The following ACSL6 variants were observed in gnomAD, a reference collection of about 807,000 sequenced individuals.
ACSL6 encodes the protein acyl-CoA synthetase long chain family member 6.
A neutral mutation model predicts 98.2 loss-of-function variants in ACSL6; 47 were observed. The ratio of observed to expected loss-of-function variants is 0.48; its 90% CI spans 0.38 to 0.61. The LOEUF (loss-of-function observed/expected upper bound fraction) is 0.61. Among genes scored for constraint, ACSL6 ranks in the 20% least tolerant of loss-of-function variants. ACSL6 has a pLI of 0.00. For synonymous variants in ACSL6, 362 were observed against 336.9 expected (o/e 1.07, Z -0.82); for missense variants, 761 against 913.4 (o/e 0.83, Z 2.15).
rs556099018 is a variant in ACSL6, at chr5:132,004,587, A to G, written c.49+6918T>C. 1.7e-4 allele frequency among the ~76,000 whole-genome samples: 26 copies of G among 152,284 alleles called. 1 individual carries two copies. In the East Asian group the frequency reaches 3.7e-3, roughly 21 times the overall value. ...TCTTCATGAAGCCAAGGTGCCAGGC[A>G]TGTCTCTGTGAGAGGTCATGGAACT... On this transcript the variant is annotated intron_variant, in intron 1 of 20. Transcript: ENST00000651883.
intron 9 of ACSL6, chr5:131,982,310 A>ATT (rs1338918697): frequency 6.7e-5 from 10 of 149,122 alleles, no homozygotes; most frequent in African/African-American, 2.5e-4. Context: ...CGCCCGGCTA[A>ATT]TTTTTTGTAT....
At chr5:132,007,659 G>C (rs1349272828) in intron 1 of ACSL6, among the ~76,000 whole-genome samples, 1 of 152,088 alleles carries the variant, frequency 6.6e-6, no homozygotes, top group East Asian at 1.9e-4. Flanking sequence ...TCATAGACAG[G>C]GTGCTTGACA....
In ACSL6 at chr5:131,963,016, C is replaced by T. The variant is rs191592616; in HGVS notation, c.1714-338G>A. Among the ~76,000 whole-genome samples, 569 of 152,220 alleles carry T rather than the reference C, an allele frequency of 3.7e-3. 4 individuals carry two copies. The highest frequency in any genetic ancestry group is 0.013 in the African/African-American group (539 of 41,532). On this transcript the variant is annotated intron_variant, in intron 17 of 20. Coordinates refer to ENST00000651883, the MANE Select transcript of ACSL6 (RefSeq NM_001009185.3). ...TCTTGGAGGCCCACCGCCCTTCCATCAGGGCACCCCTCTTGCACACACCCT... is the reference window on the plus strand; with the variant it reads ...TCTTGGAGGCCCACCGCCCTTCCATTAGGGCACCCCTCTTGCACACACCCT...
At chr5:131,960,994 AT>A (rs1353547671) in intron 18 of ACSL6, 2 of 170,648 alleles carry the variant, frequency 1.2e-5, no homozygotes, top group African/African-American at 4.8e-5. Flanking sequence ...GGTTTCATTA[AT>A]ACGATCTTCA....
intron 2 of ACSL6, among the ~76,000 whole-genome samples, chr5:131,992,236 G>A (rs1580683182): frequency 6.6e-6 from 1 of 152,214 alleles, no homozygotes; most frequent in African/African-American, 2.4e-5. Flanking sequence ...CAATGGTTGG[G>A]GAGGAGGCCA....
intron 1 of ACSL6, among the ~76,000 whole-genome samples, chr5:132,000,518 G>A (rs890737144): frequency 1.3e-5 from 2 of 152,114 alleles, no homozygotes; most frequent in Admixed American, 6.5e-5. Flanking sequence ...GCTTAGGGGT[G>A]TGGGTGGCTA....
At chr5:131,987,347 C>T (rs1276641257) in intron 7 of ACSL6, among the ~76,000 whole-genome samples, 1 of 152,244 alleles carries the variant, frequency 6.6e-6, no homozygotes, top group Non-Finnish European at 1.5e-5. Flanking sequence ...GACTAGGCTT[C>T]TGGATGAGCA....
At chr5:131,976,754 G>A in intron 9 of ACSL6, 33 bp from the exon 10 acceptor site, 2 of 1,589,148 alleles carry the variant, frequency 1.3e-6, no homozygotes, top group Non-Finnish European at 1.7e-6. Context: ...CAAATTAGTT[G>A]GAAACTCAAG....
intron 9 of ACSL6, among the ~76,000 whole-genome samples, chr5:131,977,693 T>G (rs1044663513): frequency 1.4e-4 from 22 of 152,232 alleles, no homozygotes; most frequent in African/African-American, 5.1e-4. Context: ...GCAGATACAA[T>G]AGCTGCAAAA....
intron 10 of ACSL6, chr5:131,975,377 C>T (rs1753564028): frequency 1.0e-6 from 1 of 985,444 alleles, no homozygotes; most frequent in Non-Finnish European, 1.2e-6. Flanking sequence ...CTCTCCCCTT[C>T]CTCCCCACAC....
chr5:132,004,953 C>T (rs1218375223), intron 1 of ACSL6, among the ~76,000 whole-genome samples: 21 of 152,150 alleles, frequency 1.4e-4, no homozygotes, highest in Admixed American at 1.4e-3. Flanking sequence ...AGTTTGAGAA[C>T]AGCCTGGCCA....
At chr5:131,988,369 C>G in intron 6 of ACSL6, 143 bp from the exon 7 acceptor site, 1 of 1,284,710 alleles carries the variant, frequency 7.8e-7, no homozygotes, top group Middle Eastern at 2.0e-4. Context: ...ATAAGACAGG[C>G]CTCGTGTACA....
chr5:131,980,036 G>A (rs1277455370), intron 9 of ACSL6, among the ~76,000 whole-genome samples: 1 of 152,174 alleles, frequency 6.6e-6, no homozygotes, highest in Non-Finnish European at 1.5e-5. Context: ...TTGGATGTTG[G>A]CTCCAGGTGA....
intron 1 of ACSL6, among the ~76,000 whole-genome samples, chr5:132,004,283 A>G (rs1291750337): frequency 1.3e-5 from 2 of 148,664 alleles, no homozygotes; most frequent in African/African-American, 2.5e-5. Flanking sequence ...CCCCATGGTC[A>G]CCAGGAGCTG....
At chr5:131,954,643 C>A (rs1448545769) in intron 20 of ACSL6, among the ~76,000 whole-genome samples, 1 of 152,104 alleles carries the variant, frequency 6.6e-6, no homozygotes, top group East Asian at 1.9e-4. Context: ...ATCATGAATG[C>A]CTCTGCCCTT....
At chr5:131,988,975 G>A (rs1754355504) in intron 5 of ACSL6, 71 bp from the exon 6 acceptor site, 4 of 1,374,340 alleles carry the variant, frequency 2.9e-6, no homozygotes, top group African/African-American at 2.8e-5. Context: ...TTAGGCCTAG[G>A]TAACCAGCGT....
Position 131,952,559 on chromosome 5 carries a change from A to G in ACSL6, c.*1675T>C, listed in dbSNP as rs1018635730. The G allele has an allele frequency of 4.7e-6, 1 of 214,516 alleles. No individual in the cohort carries two copies. The highest frequency in any genetic ancestry group is 2.3e-5 in the African/African-American group (1 of 44,316). The allele number at this position is 214,516 out of a possible 1,614,324, so 13.3% of individuals were successfully genotyped here. A position where few individuals can be genotyped will look rare whatever the true frequency, so the allele number is the denominator to read the frequency against. On this transcript the variant is annotated 3_prime_UTR_variant, in exon 21 of 21. Transcript: ENST00000651883. ...TTTTAAATTAACACATGAATTGCAT[A>G]TGGATTGTTGATATGCTTTTAGAGT...
Position 131,973,336 on chromosome 5 carries a change from T to A in ACSL6, c.1133A>T (p.Asp378Val). The change falls in exon 12 of 21, where the codon GAT becomes GTT. Residue 378 changes from aspartate to valine, a missense_variant. Transcript: ENST00000651883. ...FFQGDIRLLSDDMKALCPTIF... is the reference protein window; with the variant it reads ...FFQGDIRLLSVDMKALCPTIF... ...GGTGGGGCATAGAGCCTTCATGTCATCTGAGAGAAGGCGGATATCTCCCTG... is the reference window on the plus strand; with the variant it reads ...GGTGGGGCATAGAGCCTTCATGTCAACTGAGAGAAGGCGGATATCTCCCTG... The A allele has an allele frequency of 6.2e-7, 1 of 1,614,102 alleles. No homozygotes were observed. The highest frequency in any genetic ancestry group is 8.5e-7 in the Non-Finnish European group (1 of 1,179,980).
chr5:131,976,346 T>C (rs1753609087), intron 10 of ACSL6: 1 of 521,986 alleles, frequency 1.9e-6, no homozygotes, highest in Non-Finnish European at 2.5e-6. Context: ...TATCAATTTT[T>C]GAAGTTATTT....
Sources: allele counts gnomAD v4.1 joint callset (sites outside exome capture counted in the v4.1 genomes callset), GRCh38; gene constraint gnomAD v4.1.1; transcripts MANE v1.5; gene names NCBI Gene and HGNC (gene_info 2026-07-23, HGNC 2026-07-21).